RYR2: variants seen among roughly 807,000 people sequenced by gnomAD.
The protein encoded by RYR2 is cardiac muscle ryanodine receptor-calcium release channel.
In RYR2, 227 loss-of-function variants were observed where a neutral mutation model predicts 601.1. The ratio of observed to expected loss-of-function variants is 0.38; its 90% CI spans 0.34 to 0.42. RYR2 has a LOEUF of 0.42. Ranked by LOEUF, RYR2 falls within the 10% of genes least tolerant of loss-of-function variation. RYR2 has a pLI of 1.00. For synonymous variants in RYR2, 2,223 were observed against 2,175.1 expected, an observed-to-expected ratio of 1.02 and a Z score of -0.61; for missense variants, 4,646 against 6,156.5, an observed-to-expected ratio of 0.75 and a Z score of 8.21.
intron 99 of RYR2, among the ~76,000 whole-genome samples, chr1:237,807,527 T>C (rs1403274673): frequency 6.6e-6 from 1 of 152,118 alleles, no homozygotes; most frequent in Non-Finnish European, 1.5e-5. Context: ...AATTTTTGTA[T>C]TTTTAGTAGA....
chr1:237,631,613 A>ATTTTTTTTTTTTTTTTTTTTTTTTT lies in RYR2; in HGVS notation c.6555+80_6555+104dup, dbSNP rs556269614. ...GTATATAGATTGATATAGAATGCAG[A>ATTTTTTTTTTTTTTTTTTTTTTTTT]TTTTTTTTTTTTTTTTTTTTTTTTT... On this transcript the variant is annotated intron_variant, in intron 42 of 104. Transcript: ENST00000366574. 5.2e-5 allele frequency: 10 copies of ATTTTTTTTTTTTTTTTTTTTTTTTT among 191,282 alleles called. 3 individuals carry two copies. In the African/African-American group the frequency reaches 5.5e-4, roughly 10 times the overall value. The allele number at this position is 191,282 out of a possible 1,614,324, so 11.8% of individuals were successfully genotyped here.
chr1:237,167,708 CTTT>C (rs11288225), intron 1 of RYR2, among the ~76,000 whole-genome samples: 28 of 101,112 alleles, frequency 2.8e-4, no homozygotes, highest in South Asian at 2.3e-3. Flanking sequence ...GATCCACCTC[CTTT>C]TTTTTTTTTT....
At chr1:237,277,499 A>C (rs1274697212) in intron 2 of RYR2, among the ~76,000 whole-genome samples, 1 of 152,228 alleles carries the variant, frequency 6.6e-6, no homozygotes. Flanking sequence ...TAATCAGTGG[A>C]AAAGCTGCTA....
At chr1:237,112,409 C>T (rs368280246) in intron 1 of RYR2, among the ~76,000 whole-genome samples, 4 of 152,218 alleles carry the variant, frequency 2.6e-5, no homozygotes, top group Middle Eastern at 3.4e-3. Context: ...CCACCGTGCC[C>T]GGCCCCCTCC....
At chr1:237,633,999 A>G (rs751089283) in intron 43 of RYR2, among the ~76,000 whole-genome samples, 3 of 152,156 alleles carry the variant, frequency 2.0e-5, no homozygotes, top group Non-Finnish European at 2.9e-5. Flanking sequence ...GGGAACCCTT[A>G]TACATGTTGG....
intron 12 of RYR2, among the ~76,000 whole-genome samples, chr1:237,436,298 T>C (rs528307336): frequency 1.3e-5 from 2 of 151,942 alleles, no homozygotes; most frequent in South Asian, 4.2e-4. Flanking sequence ...TAGAGGGCTG[T>C]TATTTAGGCA....
Position 237,660,081 on chromosome 1 carries a change from A to T in RYR2, c.8298+7A>T. 6.8e-7 allele frequency: 1 copy of T among 1,473,498 alleles called. No individual in the cohort carries two copies. Among genetic ancestry groups the T allele is most frequent in the Non-Finnish European group, 9.0e-7 (1 of 1,106,460 alleles). 91.3% of individuals were successfully genotyped at this position (1,473,498 alleles called of 1,614,324 possible). A position where few individuals can be genotyped will look rare whatever the true frequency, so the allele number is the denominator to read the frequency against. ...TAAGCTATTGTCTGAAAAGGTAAGG[A>T]TTTTTTGTTTGTTTTAGTTTGTAAA... On this transcript the variant is annotated splice_region_variant and intron_variant, in intron 55 of 104. Coordinates refer to ENST00000366574, the MANE Select transcript of RYR2 (RefSeq NM_001035.3).
At chr1:237,746,721 G>A (rs930332915) in intron 80 of RYR2, among the ~76,000 whole-genome samples, 4 of 151,912 alleles carry the variant, frequency 2.6e-5, no homozygotes, top group African/African-American at 9.7e-5. Flanking sequence ...TCTATCAAAA[G>A]CATTAAAAAG....
intron 17 of RYR2, among the ~76,000 whole-genome samples, chr1:237,476,593 G>T (rs966712041): frequency 1.4e-5 from 2 of 146,612 alleles, no homozygotes; most frequent in Non-Finnish European, 3.0e-5. Context: ...CTCATGTACA[G>T]AACAACTTGT....
At chr1:237,250,211 T>C (rs574321745) in intron 1 of RYR2, among the ~76,000 whole-genome samples, 1 of 152,304 alleles carries the variant, frequency 6.6e-6, no homozygotes, top group Non-Finnish European at 1.5e-5. Flanking sequence ...TTCCACGCAC[T>C]GCCCTGGCAT....
chr1:237,530,796 G>A (rs1668066692), intron 25 of RYR2, among the ~76,000 whole-genome samples: 1 of 152,070 alleles, frequency 6.6e-6, no homozygotes, highest in South Asian at 2.1e-4. Flanking sequence ...TGTAATCCCA[G>A]CTACTCGGGA....
At chr1:237,817,385 TG>T (rs1661951782) in intron 100 of RYR2, among the ~76,000 whole-genome samples, 1 of 152,132 alleles carries the variant, frequency 6.6e-6, no homozygotes, top group Non-Finnish European at 1.5e-5. Context: ...GTGAGATCTG[TG>T]GGTTGAGGCA....
chr1:237,752,559 A>C lies in RYR2; in HGVS notation c.11146-3729A>C, dbSNP rs529145378. 6.6e-5 allele frequency among the ~76,000 whole-genome samples: 10 copies of C among 152,284 alleles called. 1 individual carries two copies. In the South Asian group the frequency reaches 1.9e-3, roughly 28 times the overall value. On this transcript the variant is annotated intron_variant, in intron 80 of 104. Coordinates refer to ENST00000366574, the MANE Select transcript of RYR2 (RefSeq NM_001035.3). ...CTGTGAGTCAACTCTACAGAAATGT[A>C]GCTAATCTACATTTTTCAAGAACTT...
chr1:237,237,945 C>CCCCTTCCTTTCCTTTCCTTT (rs1387109065), intron 1 of RYR2, among the ~76,000 whole-genome samples: 1 of 35,500 alleles, frequency 2.8e-5, no homozygotes, highest in Non-Finnish European at 7.3e-5. Context: ...CTTTCCTTTC[C>CCCCTTCCTTTCCTTTCCTTT]CCTTTCCTTT....
intron 24 of RYR2, 43 bp downstream of exon 24, chr1:237,511,834 GAAAAAAA>G (rs71561879): frequency 1.6e-3 from 311 of 188,886 alleles, no homozygotes; most frequent in Middle Eastern, 2.4e-3. Context: ...TGCCTTCCCT[GAAAAAAA>G]AAAAAAAAAA....
In RYR2 at chr1:237,742,881, T is replaced by A. The variant is rs372606043; in HGVS notation, c.11145+532T>A. Among the ~76,000 whole-genome samples, 4 of 152,348 alleles carry A rather than the reference T, an allele frequency of 2.6e-5. No homozygotes were observed. In the East Asian group the frequency reaches 5.8e-4, roughly 22 times the overall value. ...CTAGGACTGTATTGTAGTTTACAAC[T>A]ATTTTCTCAAATGCTCTCAGCTTTT... is the stretch of plus-strand genomic sequence containing the variant. On this transcript the variant is annotated intron_variant, in intron 80 of 104. Coordinates refer to ENST00000366574, the MANE Select transcript of RYR2 (RefSeq NM_001035.3).
At chr1:237,421,884 G>A (rs1705629328) in intron 11 of RYR2, among the ~76,000 whole-genome samples, 1 of 151,882 alleles carries the variant, frequency 6.6e-6, no homozygotes, top group Non-Finnish European at 1.5e-5. Flanking sequence ...AACATATCTG[G>A]CTGTATACCT....
intron 36 of RYR2, among the ~76,000 whole-genome samples, chr1:237,613,376 A>G (rs973172186): frequency 2.6e-5 from 4 of 152,236 alleles, no homozygotes; most frequent in Non-Finnish European, 1.5e-5. Context: ...GTGCTAATAC[A>G]TAATAGGCAC....
chr1:237,131,371 A>G (rs1672155031), intron 1 of RYR2, among the ~76,000 whole-genome samples: 1 of 152,220 alleles, frequency 6.6e-6, no homozygotes, highest in Admixed American at 6.5e-5. Context: ...TTAGTATTCA[A>G]TAAAACATCA....
Sources: gnomAD v4.1 joint callset for allele counts (sites outside exome capture counted in the v4.1 genomes callset) on GRCh38, gnomAD v4.1.1 for gene constraint, MANE v1.5 for transcripts, NCBI Gene and HGNC (gene_info 2026-07-23, HGNC 2026-07-21) for gene names.